Variants in RBFOX1 observed in about 807,000 individuals in gnomAD.
RBFOX1 encodes RNA binding protein fox-1 homolog 1.
In RBFOX1, 8 loss-of-function variants were observed where a neutral mutation model predicts 57.7. The observed-to-expected ratio is 0.14, with a 90% CI of 0.08 to 0.25. RBFOX1 has a LOEUF of 0.25. Among genes scored for constraint, RBFOX1 ranks in the 10% least tolerant of loss-of-function variants. The probability of loss-of-function intolerance (pLI) is 1.00; values close to 1 mark genes in which losing one functional copy is unlikely to be tolerated. For missense variants in RBFOX1, 611 were observed against 548.5 expected (o/e 1.11, Z -1.14); for synonymous variants, 326 against 222.4 (o/e 1.47, Z -4.15).
At chr16:7,700,649 C>T (rs1039771422) in intron 14 of RBFOX1, among the ~76,000 whole-genome samples, 2 of 152,166 alleles carry the variant, frequency 1.3e-5, no homozygotes, top group Admixed American at 6.5e-5. Context: ...GAAGGATGGC[C>T]TTGAGCTCTG....
chr16:7,371,666 C>T (rs1412789270), intron 4 of RBFOX1, among the ~76,000 whole-genome samples: 2 of 152,166 alleles, frequency 1.3e-5, no homozygotes, highest in Non-Finnish European at 2.9e-5. Context: ...AGGAGAATCG[C>T]TTGAACCCAT....
chr16:6,115,997 A>G (rs757186773), intron 1 of RBFOX1, among the ~76,000 whole-genome samples: 28 of 152,240 alleles, frequency 1.8e-4, no homozygotes, highest in African/African-American at 6.5e-4. Flanking sequence ...ACTGTTCACA[A>G]TAGCAGAAAC....
chr16:7,224,303 A>T (rs1367859444), intron 4 of RBFOX1, among the ~76,000 whole-genome samples: 1 of 152,148 alleles, frequency 6.6e-6, no homozygotes, highest in African/African-American at 2.4e-5. Flanking sequence ...AAATGTTAGT[A>T]ATAAAGTGTA....
chr16:6,104,303 A>G (rs985288822), intron 1 of RBFOX1, among the ~76,000 whole-genome samples: 4 of 152,144 alleles, frequency 2.6e-5, no homozygotes, highest in Non-Finnish European at 4.4e-5. Flanking sequence ...CTTCATCAGT[A>G]CTCTTTATAT....
At chr16:7,048,713 T>C (rs2048913217) in intron 3 of RBFOX1, among the ~76,000 whole-genome samples, 1 of 152,206 alleles carries the variant, frequency 6.6e-6, no homozygotes, top group Admixed American at 6.5e-5. Context: ...GCTATGTTGA[T>C]GTTGGTGTCT....
intron 4 of RBFOX1, among the ~76,000 whole-genome samples, chr16:7,134,812 G>C (rs563475102): frequency 6.6e-6 from 1 of 152,278 alleles, no homozygotes; most frequent in South Asian, 2.1e-4. Flanking sequence ...GGAGTACATA[G>C]CATGCAGATA....
intron 1 of RBFOX1, among the ~76,000 whole-genome samples, chr16:6,100,559 G>T (rs1204967556): frequency 6.6e-6 from 1 of 152,176 alleles, no homozygotes; most frequent in Non-Finnish European, 1.5e-5. Context: ...GATTGAAGGT[G>T]CATTCAAAGT....
chr16:6,575,179 GC>G (rs1043053140), intron 2 of RBFOX1, among the ~76,000 whole-genome samples: 75 of 152,140 alleles, frequency 4.9e-4, no homozygotes, highest in African/African-American at 1.7e-3. Flanking sequence ...AAAAGACACG[GC>G]CTCATTTTAT....
intron 3 of RBFOX1, among the ~76,000 whole-genome samples, chr16:6,862,929 G>A (rs1473497985): frequency 6.6e-6 from 1 of 151,788 alleles, no homozygotes; most frequent in Non-Finnish European, 1.5e-5. Flanking sequence ...AGGTTGCAGT[G>A]AGCTGAGATC....
At chr16:7,164,691 C>T (rs2152411534) in intron 4 of RBFOX1, among the ~76,000 whole-genome samples, 1 of 152,312 alleles carries the variant, frequency 6.6e-6, no homozygotes, top group Non-Finnish European at 1.5e-5. Context: ...GTGCACATCA[C>T]ATTTCTATTC....
chr16:6,846,151 G>C (rs1472012490), intron 3 of RBFOX1, among the ~76,000 whole-genome samples: 4 of 152,196 alleles, frequency 2.6e-5, no homozygotes, highest in Non-Finnish European at 5.9e-5. Context: ...GCCTAGCCCA[G>C]AGCTGCTTAC....
intron 2 of RBFOX1, among the ~76,000 whole-genome samples, chr16:6,525,392 A>G (rs1192925281): frequency 2.0e-5 from 3 of 152,206 alleles, no homozygotes; most frequent in African/African-American, 4.8e-5. Flanking sequence ...GAGCTGAGCC[A>G]TGAAGCATTG....
At chr16:7,144,082 C>T (rs552732811) in intron 4 of RBFOX1, among the ~76,000 whole-genome samples, 1 of 152,218 alleles carries the variant, frequency 6.6e-6, no homozygotes, top group African/African-American at 2.4e-5. Flanking sequence ...GGCTTTTTCC[C>T]TTGGGGGAAA....
chr16:6,573,518 G>A (rs186164551), intron 2 of RBFOX1, among the ~76,000 whole-genome samples: 1 of 152,332 alleles, frequency 6.6e-6, no homozygotes, highest in Non-Finnish European at 1.5e-5. Context: ...GATTTACTGT[G>A]AGTGCAAATC....
intron 2 of RBFOX1, among the ~76,000 whole-genome samples, chr16:6,462,579 C>T (rs1175863305): frequency 6.6e-6 from 1 of 152,028 alleles, no homozygotes; most frequent in Non-Finnish European, 1.5e-5. Context: ...CTATAAGAAA[C>T]ATTTGGCACG....
At chr16:6,645,345 C>G (rs1024407179) in intron 2 of RBFOX1, among the ~76,000 whole-genome samples, 10 of 152,128 alleles carry the variant, frequency 6.6e-5, no homozygotes, top group African/African-American at 2.4e-4. Flanking sequence ...GAACCCCGTG[C>G]TGGCTACTCA....
At chr16:6,573,566 A>C (rs1329665751) in intron 2 of RBFOX1, among the ~76,000 whole-genome samples, 1 of 152,144 alleles carries the variant, frequency 6.6e-6, no homozygotes, top group Non-Finnish European at 1.5e-5. Context: ...TCTTATTTTG[A>C]TTTTACACAT....
At chr16:6,832,173 G>T (rs1840095290) in intron 3 of RBFOX1, among the ~76,000 whole-genome samples, 1 of 152,142 alleles carries the variant, frequency 6.6e-6, no homozygotes. Flanking sequence ...TTCATCTTCA[G>T]AAATGAATAC....
In RBFOX1 at chr16:7,080,039, G is replaced by T. The variant is rs569710591; in HGVS notation, c.27+27941G>T. Among the ~76,000 whole-genome samples, 425 of 71,128 alleles carry T rather than the reference G, an allele frequency of 6.0e-3. 2 individuals carry two copies. The highest frequency in any genetic ancestry group is 0.014 in the African/African-American group (407 of 28,222). The allele number at this position is 71,128 out of a possible 152,430, so 46.7% of individuals were successfully genotyped here. ...ATATATATACGTATATATGTATATA[G>T]ATGTATATATATATACATATTATAT... On this transcript the variant is annotated intron_variant, in intron 4 of 15. Transcript: ENST00000550418.
Sources: allele counts gnomAD v4.1 joint callset (sites outside exome capture counted in the v4.1 genomes callset), GRCh38; gene constraint gnomAD v4.1.1; transcripts MANE v1.5; gene names NCBI Gene and HGNC (gene_info 2026-07-23, HGNC 2026-07-21).